ARHGAP21: variants seen among roughly 807,000 people sequenced by gnomAD.
ARHGAP21 encodes rho GTPase-activating protein 21.
In ARHGAP21, 38 loss-of-function variants were observed where a neutral mutation model predicts 164.6. The ratio of observed to expected loss-of-function variants is 0.23; its 90% CI spans 0.18 to 0.30. ARHGAP21 has a LOEUF of 0.30. ARHGAP21 is among the 10% of genes least tolerant of loss of function. ARHGAP21 has a pLI of 1.00. For missense variants in ARHGAP21, 1,822 were observed against 2,370.7 expected, an observed-to-expected ratio of 0.77 and a Z score of 4.81; for synonymous variants, 766 against 857.9, an observed-to-expected ratio of 0.89 and a Z score of 1.87.
chr10:24,604,891 C>A (rs1390500568), intron 11 of ARHGAP21, among the ~76,000 whole-genome samples: 3 of 152,114 alleles, frequency 2.0e-5, no homozygotes, highest in African/African-American at 7.2e-5. Context: ...ACAACTGTTG[C>A]CACTGAACAG....
At chr10:24,650,820 A>G (rs1222638687) in intron 4 of ARHGAP21, among the ~76,000 whole-genome samples, 1 of 152,226 alleles carries the variant, frequency 6.6e-6, no homozygotes, top group East Asian at 1.9e-4. Flanking sequence ...TAATGGGACA[A>G]GCTTCCAAAT....
chr10:24,706,236 A>C (rs1018652443), intron 2 of ARHGAP21, among the ~76,000 whole-genome samples: 6 of 152,200 alleles, frequency 3.9e-5, no homozygotes, highest in Admixed American at 3.3e-4. Flanking sequence ...GCCACTTTTA[A>C]GTAATTCATT....
At chr10:24,672,690 A>T (rs896217093) in intron 2 of ARHGAP21, among the ~76,000 whole-genome samples, 74 of 152,110 alleles carry the variant, frequency 4.9e-4, no homozygotes, top group Admixed American at 7.9e-4. Flanking sequence ...TGCTTCTATT[A>T]TATTTTTTAT....
intron 2 of ARHGAP21, among the ~76,000 whole-genome samples, chr10:24,697,978 A>G (rs545669055): frequency 3.4e-4 from 52 of 152,338 alleles, no homozygotes; most frequent in Non-Finnish European, 5.7e-4. Flanking sequence ...ATTCTAAGGC[A>G]TTTTGTTGAT....
Position 24,623,344 on chromosome 10 carries a change from G to A in ARHGAP21, c.496-582C>T, listed in dbSNP as rs552897918. Among the ~76,000 whole-genome samples, 12 of 152,246 alleles carry A rather than the reference G, an allele frequency of 7.9e-5. No individual in the cohort carries two copies. In the East Asian group the frequency reaches 2.3e-3, roughly 29 times the overall value. On this transcript the variant is annotated intron_variant, in intron 7 of 25. Transcript: ENST00000396432. ...CTGTGCCTTTTGTACTATTGTATTA[G>A]TTTGCAAAAATAACTACTGGATAGA...
At chr10:24,617,067 C>T (rs547167145) in intron 9 of ARHGAP21, among the ~76,000 whole-genome samples, 1 of 152,134 alleles carries the variant, frequency 6.6e-6, no homozygotes, top group East Asian at 1.9e-4. Flanking sequence ...AGAAGGTGAG[C>T]AGCGGGGGAA....
chr10:24,677,370 AAAT>A (rs1454232235), intron 2 of ARHGAP21, among the ~76,000 whole-genome samples: 1 of 152,232 alleles, frequency 6.6e-6, no homozygotes, highest in Non-Finnish European at 1.5e-5. Flanking sequence ...GCATCAAAGC[AAAT>A]AATGGAGCAT....
At chr10:24,588,091 C>T (rs1294186839) in intron 25 of ARHGAP21, among the ~76,000 whole-genome samples, 1 of 152,092 alleles carries the variant, frequency 6.6e-6, no homozygotes, top group East Asian at 1.9e-4. Context: ...CAAAGAAATG[C>T]AAGGAATGAT....
At chr10:24,607,468 A>C in intron 11 of ARHGAP21, 31 bp downstream of exon 11, 1 of 1,588,226 alleles carries the variant, frequency 6.3e-7, no homozygotes, top group Middle Eastern at 2.2e-4. Flanking sequence ...ACCCACATAC[A>C]AATATTTAAA....
chr10:24,630,934 T>G (rs1835791665), intron 6 of ARHGAP21, among the ~76,000 whole-genome samples: 1 of 152,238 alleles, frequency 6.6e-6, no homozygotes, highest in African/African-American at 2.4e-5. Context: ...TTCCCTATGA[T>G]TTACTTTTAG....
In ARHGAP21 at chr10:24,615,448, C is replaced by T. The variant is rs2077438607; in HGVS notation, c.2422+4025G>A. Among the ~76,000 whole-genome samples, 3 of 152,126 alleles carry T rather than the reference C, an allele frequency of 2.0e-5. No homozygotes were observed. In the South Asian group the frequency reaches 6.2e-4, roughly 32 times the overall value. Reference sequence around the variant, plus strand: ...TGACAAAAGCATGGGGAAGAGATGCCAATTCAAACCTGGGTGATCTGAGCT... The same window carrying T: ...TGACAAAAGCATGGGGAAGAGATGCTAATTCAAACCTGGGTGATCTGAGCT... On this transcript the variant is annotated intron_variant, in intron 9 of 25. Coordinates refer to ENST00000396432, the MANE Select transcript of ARHGAP21 (RefSeq NM_020824.4).
At chr10:24,622,149 T>A (rs1032591189) in intron 8 of ARHGAP21, among the ~76,000 whole-genome samples, 1 of 152,098 alleles carries the variant, frequency 6.6e-6, no homozygotes, top group African/African-American at 2.4e-5. Flanking sequence ...AATAGTTTTT[T>A]ATCAACTATT....
Position 24,585,182 on chromosome 10 carries a change from G to C in ARHGAP21, c.5107C>G (p.Leu1703Val), listed in dbSNP as rs142036127. The C allele has an allele frequency of 6.2e-7, 1 of 1,609,330 alleles. No homozygotes were observed. Among genetic ancestry groups the C allele is most frequent in the Admixed American group, 1.7e-5 (1 of 59,768 alleles). The change falls in exon 26 of 26, where the codon CTT becomes GTT. Residue 1703 changes from leucine to valine, a missense_variant. Around this residue, in one of 5 missense-constraint regions of ARHGAP21, gnomAD observed 117 missense variants for 193.2 expected, o/e 0.61. Transcript: ENST00000396432. ...SSHKLIECDT[L>V]SRKKSARFKS... ...AATCTAGCTGATTTTTTCCTGGAAAGAGTATCACATTCGATGAGTTTATGG... is the reference window on the plus strand; with the variant it reads ...AATCTAGCTGATTTTTTCCTGGAAACAGTATCACATTCGATGAGTTTATGG...
chr10:24,709,258 C>A (rs565534337), intron 2 of ARHGAP21, among the ~76,000 whole-genome samples: 1 of 152,210 alleles, frequency 6.6e-6, no homozygotes, highest in East Asian at 1.9e-4. Context: ...AAGGCTCAAT[C>A]AGTAATTTAA....
At chr10:24,717,653 A>AAGTGAGAC (rs982832057) in intron 2 of ARHGAP21, among the ~76,000 whole-genome samples, 1 of 152,190 alleles carries the variant, frequency 6.6e-6, no homozygotes, top group Non-Finnish European at 1.5e-5. Context: ...AAGAAGTAAC[A>AAGTGAGAC]AGTGAGACAG....
intron 4 of ARHGAP21, among the ~76,000 whole-genome samples, chr10:24,661,339 A>G (rs1349932089): frequency 6.6e-6 from 1 of 151,982 alleles, no homozygotes; most frequent in East Asian, 1.9e-4. Flanking sequence ...TTTAAAATAT[A>G]AAAGAGTGCA....
intron 4 of ARHGAP21, among the ~76,000 whole-genome samples, chr10:24,656,229 C>T (rs1179149226): frequency 1.5e-4 from 21 of 136,104 alleles, no homozygotes; most frequent in South Asian, 7.1e-4. Flanking sequence ...GTCATCCCCC[C>T]GCCCGGCCAG....
chr10:24,683,063 T>C (rs940797627), intron 2 of ARHGAP21, among the ~76,000 whole-genome samples: 1 of 137,092 alleles, frequency 7.3e-6, no homozygotes, highest in Non-Finnish European at 1.5e-5. Flanking sequence ...ACCAGTGCAC[T>C]CCAGCCTGGG....
intron 25 of ARHGAP21, among the ~76,000 whole-genome samples, chr10:24,587,850 T>A (rs1279031325): frequency 3.8e-4 from 58 of 152,360 alleles, no homozygotes; most frequent in Admixed American, 2.3e-3. Context: ...CTACAGAGAC[T>A]GTTTGTTAGA....
Sources: allele counts gnomAD v4.1 joint callset (sites outside exome capture counted in the v4.1 genomes callset), GRCh38; gene constraint gnomAD v4.1.1; regional missense constraint gnomAD v4.1.1; transcripts MANE v1.5; gene names NCBI Gene and HGNC (gene_info 2026-07-23, HGNC 2026-07-21).